GTF3C2: variants seen among roughly 807,000 people sequenced by gnomAD.
GTF3C2 encodes the protein general transcription factor 3C polypeptide 2.
GTF3C2 carries 17 observed loss-of-function variants against 117.4 expected under a neutral mutation model. The observed-to-expected ratio is 0.14, with a 90% CI of 0.10 to 0.22. GTF3C2 has a LOEUF of 0.22. Ranked by LOEUF, GTF3C2 falls within the 10% of genes least tolerant of loss-of-function variation. The pLI is 1.00. For missense variants in GTF3C2, 888 were observed against 1,143.6 expected, an observed-to-expected ratio of 0.78 and a Z score of 3.22; for synonymous variants, 437 against 427.0, an observed-to-expected ratio of 1.02 and a Z score of -0.29.
At chr2:27,337,375 G>A (rs1002437312) in intron 6 of GTF3C2, 33 bp from the exon 7 acceptor site, 1 of 1,531,474 alleles carries the variant, frequency 6.5e-7, no homozygotes, top group Non-Finnish European at 9.1e-7. Flanking sequence ...GTCTAAATTT[G>A]GAAGTGTTTC....
exon 3 of GTF3C2, chr2:27,342,908 G>C: frequency 6.2e-7 from 1 of 1,614,140 alleles, no homozygotes; most frequent in Non-Finnish European, 8.5e-7. Context: ...TGAGATTCTG[G>C]CCGATCTAGG....
rs187295981 is a variant in GTF3C2 at position 27,339,887 on chromosome 2, C to T, written c.856-1867G>A. Reference sequence around the variant, plus strand: ...CTTTAATCCCAGCTACTTGGGAAGCCGAGGCAGGAGAATCACTTGAACCCA... The same window carrying T: ...CTTTAATCCCAGCTACTTGGGAAGCTGAGGCAGGAGAATCACTTGAACCCA... On this transcript the variant is annotated intron_variant, in intron 4 of 18. Transcript: ENST00000264720. The T allele has an allele frequency of 8.7e-3, 1,301 of 149,442 alleles. 9 individuals are homozygous for T. The highest frequency in any genetic ancestry group is 0.017 in the Middle Eastern group (5 of 294). 9.3% of individuals were successfully genotyped at this position (149,442 alleles called of 1,614,324 possible). A position where few individuals can be genotyped will look rare whatever the true frequency, so the allele number is the denominator to read the frequency against.
intron 1 of GTF3C2, chr2:27,356,444 G>A: frequency 4.0e-6 from 1 of 251,804 alleles, no homozygotes; most frequent in Non-Finnish European, 8.3e-6. Context: ...GAGTTCGAGG[G>A]ACGCTACGTA....
chr2:27,355,386 G>A (rs957631522), intron 1 of GTF3C2, among the ~76,000 whole-genome samples: 6 of 152,146 alleles, frequency 3.9e-5, no homozygotes, highest in Admixed American at 2.6e-4. Context: ...CGGGCATGGT[G>A]GCACGCGCCT....
At chr2:27,337,973 A>T in exon 5 of GTF3C2, 1 of 1,612,722 alleles carries the variant, frequency 6.2e-7, no homozygotes, top group Non-Finnish European at 8.5e-7. Flanking sequence ...CCATGATATG[A>T]TTTGGTAAGC....
chr2:27,345,312 G>A (rs988626384), intron 1 of GTF3C2, among the ~76,000 whole-genome samples: 2 of 151,972 alleles, frequency 1.3e-5, no homozygotes, highest in African/African-American at 4.8e-5. Context: ...GAATGAGTTG[G>A]CCAGGCACGG....
At position 27,333,948 on chromosome 2, in the gene GTF3C2, G is replaced by A. The variant is rs201221591; in HGVS notation, c.1602+26C>T. 1.0e-4 allele frequency: 165 copies of A among 1,582,798 alleles called. 1 individual carries two copies. In the Admixed American group the frequency reaches 2.6e-3, roughly 25 times the overall value. ...GAGGCTCTAAGAAGATGGAGCCTCA[G>A]CTAAGGTAGCAGGTTCCTCACTCAC... On this transcript the variant is annotated intron_variant, in intron 11 of 18. Coordinates refer to ENST00000264720, the Ensembl canonical transcript of GTF3C2.
At chr2:27,352,561 ATATGTT>A (rs1017859373) in intron 1 of GTF3C2, among the ~76,000 whole-genome samples, 2 of 152,152 alleles carry the variant, frequency 1.3e-5, no homozygotes, top group African/African-American at 4.8e-5. Context: ...CAGCATTTAA[ATATGTT>A]TATAATTCTC....
exon 10 of GTF3C2, chr2:27,335,628 G>A (rs1276376865): frequency 1.3e-6 from 2 of 1,555,554 alleles, no homozygotes; most frequent in Non-Finnish European, 1.7e-6. Flanking sequence ...AGGGCCTCCG[G>A]ATGGGGTAGA....
chr2:27,348,944 C>G (rs2148331341), intron 1 of GTF3C2, among the ~76,000 whole-genome samples: 1 of 152,086 alleles, frequency 6.6e-6, no homozygotes, highest in East Asian at 1.9e-4. Context: ...TCAAGTGATT[C>G]TCCTGCCTTA....
chr2:27,326,031 T>TG (rs2148232411), exon 19 of GTF3C2: 1 of 261,216 alleles, frequency 3.8e-6, no homozygotes, highest in East Asian at 1.1e-4. Flanking sequence ...AAAACATGAC[T>TG]GTTCAGGAGT....
chr2:27,342,055 GA>G lies in GTF3C2; in HGVS notation c.747del (p.Leu250SerfsTer24). On this transcript the variant is annotated frameshift_variant, in exon 4 of 19. Coordinates refer to ENST00000264720, the Ensembl canonical transcript of GTF3C2. LOFTEE classifies it high-confidence loss of function. Reference sequence around the variant, plus strand: ...TCCACATCTTCAGCCTCAACCTGGAGAAAAAAGTCTTCATCCCGTGGAGCAC... The same window carrying G: ...TCCACATCTTCAGCCTCAACCTGGAGAAAAAGTCTTCATCCCGTGGAGCAC... 1 of 1,614,048 alleles carries G rather than the reference GA, an allele frequency of 6.2e-7. No individual in the cohort carries two copies. The highest frequency in any genetic ancestry group is 8.5e-7 in the Non-Finnish European group (1 of 1,179,988).
At chr2:27,338,460 GCACA>G (rs59913490) in intron 4 of GTF3C2, among the ~76,000 whole-genome samples, 17,871 of 76,146 alleles carry the variant, frequency 0.23, 2,247 homozygotes, top group African/African-American at 0.45. Context: ...GCGCACGCGC[GCACA>G]CACACACACA....
chr2:27,354,780 A>T (rs761201473), intron 1 of GTF3C2, among the ~76,000 whole-genome samples: 1 of 152,192 alleles, frequency 6.6e-6, no homozygotes, highest in Non-Finnish European at 1.5e-5. Flanking sequence ...GATTTTCTAC[A>T]TCAGTATACA....
At chr2:27,350,897 C>T (rs532900209) in intron 1 of GTF3C2, among the ~76,000 whole-genome samples, 2 of 147,564 alleles carry the variant, frequency 1.4e-5, no homozygotes, top group African/African-American at 2.5e-5. Context: ...TGCAGTGAGC[C>T]GAGACTGCAC....
At chr2:27,347,233 C>G (rs1680949713) in intron 1 of GTF3C2, among the ~76,000 whole-genome samples, 1 of 152,146 alleles carries the variant, frequency 6.6e-6, no homozygotes, top group South Asian at 2.1e-4. Context: ...GGACCCCGCC[C>G]CCCACAGATC....
intron 1 of GTF3C2, among the ~76,000 whole-genome samples, chr2:27,345,556 G>A (rs925790294): frequency 1.3e-5 from 2 of 151,110 alleles, no homozygotes; most frequent in African/African-American, 2.4e-5. Flanking sequence ...TCATGCCACC[G>A]TACTCCAGCC....
At chr2:27,346,144 C>T (rs1680909078) in intron 1 of GTF3C2, among the ~76,000 whole-genome samples, 1 of 150,824 alleles carries the variant, frequency 6.6e-6, no homozygotes, top group Non-Finnish European at 1.5e-5. Context: ...CTGCCTCAGC[C>T]TCCCAAGTAG....
exon 4 of GTF3C2, chr2:27,342,018 C>G (rs750632837): frequency 7.4e-6 from 12 of 1,614,104 alleles, no homozygotes; most frequent in Non-Finnish European, 1.0e-5. Context: ...CTCACTTGGG[C>G]CCTCACTTTC....
Sources: allele counts gnomAD v4.1 joint callset (sites outside exome capture counted in the v4.1 genomes callset), GRCh38; gene constraint gnomAD v4.1.1; transcripts MANE v1.5; gene names NCBI Gene and HGNC (gene_info 2026-07-23, HGNC 2026-07-21).